The following PDE6D variants were observed in gnomAD, a reference collection of about 807,000 sequenced individuals.
PDE6D encodes the protein retinal rod rhodopsin-sensitive cGMP 3',5'-cyclic phosphodiesterase subunit delta.
A neutral mutation model predicts 21.9 loss-of-function variants in PDE6D; 10 were observed. The observed-to-expected ratio is 0.46, with a 90% confidence interval of 0.28 to 0.78. The LOEUF (loss-of-function observed/expected upper bound fraction) is 0.78. Among genes scored for constraint, PDE6D ranks in the 30% least tolerant of loss-of-function variants. The probability of loss-of-function intolerance (pLI) is 0.12; values close to 1 mark genes in which losing one functional copy is unlikely to be tolerated. For synonymous variants in PDE6D, 59 were observed against 63.5 expected, an observed-to-expected ratio of 0.93 and a Z score of 0.34; for missense variants, 139 against 184.8, an observed-to-expected ratio of 0.75 and a Z score of 1.44.
chr2:231,781,257 C>T lies in PDE6D; in HGVS notation c.-143G>A. ...AGCGGCCAGACCAGGACCGGCCTCT[C>T]TCTCCCCTCAGCTCCCGCTTCTGAT... On this transcript the variant is annotated 5_prime_UTR_variant, in exon 1 of 5. Coordinates refer to ENST00000287600, the MANE Select transcript of PDE6D (RefSeq NM_002601.4). The T allele has an allele frequency of 4.2e-6, 3 of 706,898 alleles. No homozygotes were observed. The highest frequency in any genetic ancestry group is 2.5e-6 in the Non-Finnish European group (1 of 407,680). 43.8% of individuals were successfully genotyped at this position (706,898 alleles called of 1,614,324 possible). A position where few individuals can be genotyped will look rare whatever the true frequency, so the allele number is the denominator to read the frequency against.
At chr2:231,771,079 A>C (rs2049012170) in intron 1 of PDE6D, among the ~76,000 whole-genome samples, 1 of 151,350 alleles carries the variant, frequency 6.6e-6, no homozygotes, top group Non-Finnish European at 1.5e-5. Context: ...TGAGCTGAGA[A>C]ATTTTTTTTT....
intron 1 of PDE6D, among the ~76,000 whole-genome samples, chr2:231,773,988 C>T (rs1227481860): frequency 6.6e-6 from 1 of 152,070 alleles, no homozygotes; most frequent in Non-Finnish European, 1.5e-5. Context: ...GGCTGGAGTG[C>T]ACTGGCGTGA....
intron 1 of PDE6D, among the ~76,000 whole-genome samples, chr2:231,744,804 T>G (rs1361697563): frequency 1.3e-5 from 2 of 152,228 alleles, no homozygotes; most frequent in African/African-American, 4.8e-5. Flanking sequence ...TTTAGCCAGT[T>G]CAATATACAT....
intron 1 of PDE6D, among the ~76,000 whole-genome samples, chr2:231,766,050 C>T (rs1043224763): frequency 2.0e-5 from 3 of 152,236 alleles, no homozygotes; most frequent in Admixed American, 2.0e-4. Flanking sequence ...CATTTCTCCA[C>T]CCAATAATTT....
intron 1 of PDE6D, among the ~76,000 whole-genome samples, chr2:231,750,437 CTTAG>C (rs1267855195): frequency 1.4e-5 from 2 of 147,712 alleles, no homozygotes; most frequent in Non-Finnish European, 3.0e-5. Context: ...AATTTATGGT[CTTAG>C]TTATATATGT....
intron 4 of PDE6D, 113 bp downstream of exon 4, chr2:231,737,074 T>C: frequency 1.7e-6 from 1 of 586,834 alleles, no homozygotes; most frequent in South Asian, 2.3e-5. Flanking sequence ...GATACTCTTT[T>C]ACTCTATTTC....
chr2:231,738,211 G>A, intron 2 of PDE6D, 73 bp from the exon 3 acceptor site: 2 of 1,426,466 alleles, frequency 1.4e-6, no homozygotes, highest in Non-Finnish European at 1.9e-6. Flanking sequence ...CAAATTTCTG[G>A]GAGCTTCTTA....
chr2:231,770,946 T>C (rs1341177971), intron 1 of PDE6D, among the ~76,000 whole-genome samples: 1 of 148,550 alleles, frequency 6.7e-6, no homozygotes, highest in African/African-American at 2.5e-5. Flanking sequence ...AGAGTGAGAC[T>C]TCATTTCAAA....
intron 1 of PDE6D, among the ~76,000 whole-genome samples, chr2:231,773,983 G>C (rs2049034368): frequency 6.6e-6 from 1 of 152,032 alleles, no homozygotes; most frequent in Non-Finnish European, 1.5e-5. Flanking sequence ...ACCCAGGCTG[G>C]AGTGCACTGG....
At chr2:231,767,518 A>T (rs892305741) in intron 1 of PDE6D, among the ~76,000 whole-genome samples, 13 of 151,916 alleles carry the variant, frequency 8.6e-5, no homozygotes, top group Admixed American at 3.3e-4. Flanking sequence ...GGTTTCACCG[A>T]GTTAGCCAGG....
chr2:231,767,832 A>G (rs574072224), intron 1 of PDE6D, among the ~76,000 whole-genome samples: 27 of 150,772 alleles, frequency 1.8e-4, no homozygotes, highest in African/African-American at 6.3e-4. Flanking sequence ...TTGTTTCTTT[A>G]ACTATTCTTT....
At position 231,732,966 on chromosome 2, in the gene PDE6D, G is replaced by A; in HGVS notation, c.439C>T (p.Leu147Phe). The A allele has an allele frequency of 6.2e-7, 1 of 1,609,606 alleles. No homozygotes were observed. Among genetic ancestry groups the A allele is most frequent in the African/African-American group, 1.3e-5 (1 of 74,944 alleles). Residue 147 changes from leucine to phenylalanine, a missense_variant, in exon 5 of 5, where the codon CTT (leucine) becomes TTT (phenylalanine). Leu to Phe is a conservative substitution (Grantham distance 22, BLOSUM62 0). Transcript: ENST00000287600. The stretch of plus-strand genomic sequence containing the variant: ...ACATTCTTCTTTCAAACATAGAAAA[G>A]TCTCACTCTGGATGTGCTTACAAGA... ...DLLVSTSRVR[L>F]FYV
intron 1 of PDE6D, among the ~76,000 whole-genome samples, chr2:231,762,408 G>A (rs1286954375): frequency 1.4e-5 from 2 of 139,990 alleles, no homozygotes; most frequent in Admixed American, 7.7e-5. Context: ...GCAGTAGTGC[G>A]ATCTCAGCTC....
chr2:231,748,011 TG>T (rs1395699274), intron 1 of PDE6D, among the ~76,000 whole-genome samples: 1 of 152,232 alleles, frequency 6.6e-6, no homozygotes, highest in Non-Finnish European at 1.5e-5. Context: ...GCTTTTTTTT[TG>T]TTGTTCCCAG....
chr2:231,758,448 T>C (rs537136400), intron 1 of PDE6D, among the ~76,000 whole-genome samples: 1 of 152,292 alleles, frequency 6.6e-6, no homozygotes, highest in South Asian at 2.1e-4. Flanking sequence ...CATCAACTTA[T>C]ATATACCTTG....
At chr2:231,741,736 A>G (rs1574619073) in intron 1 of PDE6D, among the ~76,000 whole-genome samples, 1 of 152,344 alleles carries the variant, frequency 6.6e-6, no homozygotes, top group East Asian at 1.9e-4. Flanking sequence ...TGACATCAAG[A>G]AAAATTAAAG....
At chr2:231,771,080 ATTT>A (rs778060007) in intron 1 of PDE6D, among the ~76,000 whole-genome samples, 1 of 142,556 alleles carries the variant, frequency 7.0e-6, no homozygotes. Context: ...GAGCTGAGAA[ATTT>A]TTTTTTTTTT....
Position 231,781,120 on chromosome 2 carries a change from G to A in PDE6D, c.-6C>T. The A allele has an allele frequency of 1.2e-6, 2 of 1,611,490 alleles. No homozygotes were observed. Among genetic ancestry groups the A allele is most frequent in the South Asian group, 1.1e-5 (1 of 91,008 alleles). The stretch of plus-strand genomic sequence containing the variant: ...CGCTCGTCCTTGGCTGACATGATGC[G>A]GCGGTCGCCGCCCGCGGCTTTCTCA... On this transcript the variant is annotated 5_prime_UTR_variant, in exon 1 of 5. Transcript: ENST00000287600.
Position 231,732,935 on chromosome 2 carries a change from G to T in PDE6D, c.*17C>A. 1 of 1,559,796 alleles carries T rather than the reference G, an allele frequency of 6.4e-7. No homozygotes were observed. The highest frequency in any genetic ancestry group is 8.8e-7 in the Non-Finnish European group (1 of 1,133,556). On this transcript the variant is annotated 3_prime_UTR_variant, in exon 5 of 5. Coordinates refer to ENST00000287600, the MANE Select transcript of PDE6D (RefSeq NM_002601.4). ...TCCAAAAAACCCAAATTCTTGAAAT[G>T]TACACACATTCTTCTTTCAAACATA...
Sources: allele counts gnomAD v4.1 joint callset (sites outside exome capture counted in the v4.1 genomes callset), GRCh38; gene constraint gnomAD v4.1.1; transcripts MANE v1.5; gene names NCBI Gene and HGNC (gene_info 2026-07-23, HGNC 2026-07-21).